CCL28: variants seen among roughly 807,000 people sequenced by gnomAD.
CCL28 encodes the protein C-C motif chemokine 28.
In CCL28, 4 loss-of-function variants were observed where a neutral mutation model predicts 7.1. That is an observed-to-expected ratio of 0.56 (90% CI 0.28 to 1.29). The LOEUF is 1.29. CCL28 is among the 50% of genes most tolerant of loss of function. The probability of loss-of-function intolerance (pLI) is 0.11; values close to 1 mark genes in which losing one functional copy is unlikely to be tolerated. For synonymous variants in CCL28, 55 were observed against 57.8 expected (o/e 0.95, Z 0.22); for missense variants, 151 against 163.4 (o/e 0.92, Z 0.41).
chr5:43,367,431 G>A, the CCL28 span, among the ~76,000 whole-genome samples: 76 of 152,266 alleles, frequency 5.0e-4, 1 homozygote, highest in African/African-American at 1.6e-3. Flanking sequence ...TATCTGGGCC[G>A]GAGTGCACTG....
At chr5:43,388,576 C>A in intron 1 of CCL28, 100 bp from the exon 2 acceptor site, 1 of 1,198,748 alleles carries the variant, frequency 8.3e-7, no homozygotes, top group Non-Finnish European at 1.2e-6. Context: ...TTAATCCACA[C>A]AAACAAGGGG....
chr5:43,377,716 ACTTTTT>A (rs1188436067), downstream of CCL28, among the ~76,000 whole-genome samples: 24 of 45,670 alleles, frequency 5.3e-4, no homozygotes, highest in South Asian at 5.7e-3. Flanking sequence ...TAGAACTTAA[ACTTTTT>A]TTTTTTTTTT....
rs894986152 is a variant in CCL28, at chr5:43,388,292, G to A, written c.191+58C>T. 45 of 1,593,838 alleles carry A rather than the reference G, an allele frequency of 2.8e-5. No homozygotes were observed. In the East Asian group the frequency reaches 4.0e-4, roughly 14 times the overall value. On this transcript the variant is annotated intron_variant, in intron 2 of 2. Transcript: ENST00000361115. Reference sequence around the variant, plus strand: ...GCAAAGCCTTTCCAACCTATTATTCGTTGGGCAGGGAAATAATCACTGTGC... The same window carrying A: ...GCAAAGCCTTTCCAACCTATTATTCATTGGGCAGGGAAATAATCACTGTGC...
chr5:43,365,721 C>G, the CCL28 span, among the ~76,000 whole-genome samples: 1 of 152,154 alleles, frequency 6.6e-6, no homozygotes, highest in Non-Finnish European at 1.5e-5. Flanking sequence ...CTAGGTTGGG[C>G]TAGTTCTCCT....
chr5:43,368,778 C>T, the CCL28 span, among the ~76,000 whole-genome samples: 1 of 152,164 alleles, frequency 6.6e-6, no homozygotes, highest in African/African-American at 2.4e-5. Flanking sequence ...AGAAGCTGGC[C>T]ATCAGCCATC....
At chr5:43,384,726 C>T (rs1740266066) in intron 2 of CCL28, among the ~76,000 whole-genome samples, 1 of 151,868 alleles carries the variant, frequency 6.6e-6, no homozygotes, top group African/African-American at 2.4e-5. Flanking sequence ...GAGATTATAC[C>T]TTTAATATCC....
At position 43,408,757 on chromosome 5, in the gene CCL28, G is replaced by A. The variant is rs142556832; in HGVS notation, c.64+3496C>T. 4.6e-4 allele frequency among the ~76,000 whole-genome samples: 70 copies of A among 152,058 alleles called. 2 individuals carry two copies. In the East Asian group the frequency reaches 0.013, roughly 29 times the overall value. The stretch of plus-strand genomic sequence containing the variant: ...AGAGGGATTAAAGGAATGATGAAGA[G>A]GGACTTTCCTTTTTTTAATTCTTTA... On this transcript the variant is annotated intron_variant, in intron 1 of 2. Transcript: ENST00000361115.
Position 43,400,881 on chromosome 5 carries a change from G to A in CCL28, c.64+11372C>T, listed in dbSNP as rs117329056. Among the ~76,000 whole-genome samples, 688 of 152,016 alleles carry A rather than the reference G, an allele frequency of 4.5e-3. 24 individuals are homozygous for A. The East Asian group carries it at 0.08, about 18-fold the overall frequency. Reference sequence around the variant, plus strand: ...GGGCAGATCATGGTGTCAGGAGTTCGAGACAGCCTGACTAACATGGTGAAA... The same window carrying A: ...GGGCAGATCATGGTGTCAGGAGTTCAAGACAGCCTGACTAACATGGTGAAA... On this transcript the variant is annotated intron_variant, in intron 1 of 2. Transcript: ENST00000361115.
downstream of CCL28, among the ~76,000 whole-genome samples, chr5:43,372,770 CTTTT>C (rs879466483): frequency 7.5e-6 from 1 of 133,708 alleles, no homozygotes; most frequent in Non-Finnish European, 1.6e-5. Context: ...TATGAACATT[CTTTT>C]TTTTTTTTTT....
chr5:43,374,513 T>C (rs1031259306), downstream of CCL28, among the ~76,000 whole-genome samples: 3 of 152,256 alleles, frequency 2.0e-5, no homozygotes, highest in Non-Finnish European at 4.4e-5. Context: ...CTGGGTGCAG[T>C]GGCTCACGCC....
In CCL28 at chr5:43,406,546, G is replaced by A. The variant is rs536711831; in HGVS notation, c.64+5707C>T. On this transcript the variant is annotated intron_variant, in intron 1 of 2. Coordinates refer to ENST00000361115, the MANE Select transcript of CCL28 (RefSeq NM_148672.3). Reference sequence around the variant, plus strand: ...ACAAACCCACAGCCAATATCATACGGAATGGGCAAAAACTGGAAGCATTCC... The same window carrying A: ...ACAAACCCACAGCCAATATCATACGAAATGGGCAAAAACTGGAAGCATTCC... Among the ~76,000 whole-genome samples the A allele has an allele frequency of 1.8e-3, 269 of 152,298 alleles. 2 individuals are homozygous for A. In the South Asian group the frequency reaches 0.024, roughly 14 times the overall value.
intron 1 of CCL28, among the ~76,000 whole-genome samples, chr5:43,404,464 A>AT (rs1741181106): frequency 6.6e-6 from 1 of 152,096 alleles, no homozygotes; most frequent in Non-Finnish European, 1.5e-5. Flanking sequence ...ATGCTGAGAG[A>AT]TTTTGTCACC....
At chr5:43,411,091 T>A (rs755680267) in intron 1 of CCL28, among the ~76,000 whole-genome samples, 1 of 152,226 alleles carries the variant, frequency 6.6e-6, no homozygotes, top group Non-Finnish European at 1.5e-5. Flanking sequence ...TATGGTGGAA[T>A]CATTGTTGCC....
intron 1 of CCL28, among the ~76,000 whole-genome samples, chr5:43,409,916 G>GT (rs1187675100): frequency 6.6e-6 from 1 of 152,068 alleles, no homozygotes; most frequent in Non-Finnish European, 1.5e-5. Context: ...GAGGTGGAGT[G>GT]TGCCCTACCT....
downstream of CCL28, among the ~76,000 whole-genome samples, chr5:43,377,713 T>C (rs1010467387): frequency 3.8e-5 from 5 of 130,248 alleles, no homozygotes; most frequent in Non-Finnish European, 6.4e-5. Context: ...CACTAGAACT[T>C]AAACTTTTTT....
chr5:43,377,717 CTTTTTTTTTTTTT>C (rs767834184), downstream of CCL28, among the ~76,000 whole-genome samples: 2,628 of 42,670 alleles, frequency 0.062, 36 homozygotes, highest in Middle Eastern at 0.083. Flanking sequence ...AGAACTTAAA[CTTTTTTTTTTTTT>C]TTTTTTTTTT....
At chr5:43,388,548 G>T in intron 1 of CCL28, 72 bp from the exon 2 acceptor site, 1 of 1,455,072 alleles carries the variant, frequency 6.9e-7, no homozygotes, top group East Asian at 2.4e-5. Flanking sequence ...TCATTTTAAA[G>T]ATTTCAGAGA....
At chr5:43,402,982 GAGGCTTGAATAGGTAAACAAAATGGCC>G (rs1463785903) in intron 1 of CCL28, among the ~76,000 whole-genome samples, 1 of 152,240 alleles carries the variant, frequency 6.6e-6, no homozygotes, top group Non-Finnish European at 1.5e-5. Context: ...TGCCATTGCT[GAGGCTTGAATAGGTAAACAAAATGGCC>G]AGGAAGCTCG....
chr5:43,405,039 G>A (rs1741211874), intron 1 of CCL28, among the ~76,000 whole-genome samples: 1 of 152,154 alleles, frequency 6.6e-6, no homozygotes. Context: ...AAGAGACTTA[G>A]ACTCCCACAC....
Sources: allele counts gnomAD v4.1 joint callset (sites outside exome capture counted in the v4.1 genomes callset), GRCh38; gene constraint gnomAD v4.1.1; transcripts MANE v1.5; gene names NCBI Gene and HGNC (gene_info 2026-07-23, HGNC 2026-07-21).